The following TRPV5 variants were observed in gnomAD, a reference collection of about 807,000 sequenced individuals.
TRPV5 encodes the protein transient receptor potential cation channel subfamily V member 5, also known as calcium transport protein 2.
TRPV5 carries 66 observed loss-of-function variants against 74.1 expected under a neutral mutation model. The ratio of observed to expected loss-of-function variants is 0.89; its 90% CI spans 0.73 to 1.09. The LOEUF is 1.09. TRPV5 is among the 50% of genes least tolerant of loss of function. The pLI, the probability that TRPV5 is intolerant of heterozygous loss-of-function variation, is 0.00. For synonymous variants in TRPV5, 399 were observed against 360.7 expected, an observed-to-expected ratio of 1.11 and a Z score of -1.20; for missense variants, 936 against 930.4, an observed-to-expected ratio of 1.01 and a Z score of -0.08.
At chr7:142,917,481 G>C (rs984151517) in intron 8 of TRPV5, among the ~76,000 whole-genome samples, 1 of 152,104 alleles carries the variant, frequency 6.6e-6, no homozygotes, top group African/African-American at 2.4e-5. Flanking sequence ...GTGAAGATCA[G>C]GGTGCCCCTA....
chr7:142,920,923 T>C (rs143139121), intron 8 of TRPV5, among the ~76,000 whole-genome samples: 49 of 152,338 alleles, frequency 3.2e-4, no homozygotes, highest in Non-Finnish European at 6.0e-4. Flanking sequence ...AATGCATGTG[T>C]TCATGATCAG....
At chr7:142,921,801 C>T (rs1425295006) in intron 8 of TRPV5, among the ~76,000 whole-genome samples, 1 of 152,226 alleles carries the variant, frequency 6.6e-6, no homozygotes, top group East Asian at 1.9e-4. Context: ...AAGGATCTGT[C>T]TGGACAACCT....
chr7:142,914,578 G>T, intron 12 of TRPV5, 62 bp downstream of exon 12: 1 of 1,357,282 alleles, frequency 7.4e-7, no homozygotes, highest in Non-Finnish European at 1.0e-6. Flanking sequence ...GAGCAAGAAT[G>T]AGAGTGAACT....
Position 142,929,092 on chromosome 7 carries a change from A to G in TRPV5, c.516T>C (p.Cys172=), listed in dbSNP as rs1305257350. 1 of 1,614,086 alleles carries G rather than the reference A, an allele frequency of 6.2e-7. No homozygotes were observed. The highest frequency in any genetic ancestry group is 1.1e-5 in the South Asian group (1 of 91,078). Residue 172 remains cysteine, a synonymous_variant, in exon 5 of 15, where the codon TGT becomes TGC. Coordinates refer to ENST00000265310, the MANE Select transcript of TRPV5 (RefSeq NM_019841.7). ...GCCGCACGATCTCCTCGCTGTTCAC[A>G]CAGGCAGCAAAGGACAAAGGGTGCT... ...FGEHPLSFAA[C]VNSEEIVRLL...
chr7:142,928,629 G>A (rs1796028452), intron 6 of TRPV5, 62 bp downstream of exon 6: 3 of 1,543,564 alleles, frequency 1.9e-6, no homozygotes, highest in South Asian at 1.2e-5. Context: ...TTTCTCCCAG[G>A]GCCAGCAGGA....
chr7:142,928,974 C>T (rs755607538), intron 5 of TRPV5, 48 bp downstream of exon 5: 26 of 1,612,994 alleles, frequency 1.6e-5, no homozygotes, highest in South Asian at 3.3e-5. Flanking sequence ...TTACCCTGTC[C>T]CTCGCTCCCC....
chr7:142,925,235 C>T, intron 8 of TRPV5: 1 of 568,224 alleles, frequency 1.8e-6, no homozygotes, highest in Non-Finnish European at 3.1e-6. Flanking sequence ...ACTAAAAAAC[C>T]CTGATACTTT....
chr7:142,929,382 C>T, intron 4 of TRPV5, 46 bp downstream of exon 4: 2 of 1,598,892 alleles, frequency 1.3e-6, no homozygotes, highest in Non-Finnish European at 1.7e-6. Context: ...CTCTGCCTTG[C>T]CCGCCTCTCC....
chr7:142,911,581 CT>C (rs1376782698), intron 13 of TRPV5, among the ~76,000 whole-genome samples: 1 of 152,174 alleles, frequency 6.6e-6, no homozygotes, highest in Non-Finnish European at 1.5e-5. Flanking sequence ...CTCTATAGCA[CT>C]TTTGCTGCTG....
In TRPV5 at chr7:142,931,075, T is replaced by C. The variant is rs192723480; in HGVS notation, c.129-629A>G. Among the ~76,000 whole-genome samples the C allele has an allele frequency of 6.8e-4, 92 of 135,054 alleles. 1 individual carries two copies. The highest frequency in any genetic ancestry group is 4.6e-4 in the Admixed American group (5 of 10,950). 88.6% of individuals were successfully genotyped at this position (135,054 alleles called of 152,430 possible). ...TCTTGCTCTGTTGCCTAGGCTGGAG[T>C]GCAGTGGTACAATCTCAGCTTACCG... On this transcript the variant is annotated intron_variant, in intron 1 of 14. Transcript: ENST00000265310.
In TRPV5 at chr7:142,908,184, AC is replaced by A; in HGVS notation, c.*329del. ...GGGAGCCAGAAAAGCCTCACAGCTT[AC>A]TACTTTCTAGGGGCTGCGTGGGGCA... On this transcript the variant is annotated 3_prime_UTR_variant, in exon 15 of 15. Transcript: ENST00000265310. 1 of 361,578 alleles carries A rather than the reference AC, an allele frequency of 2.8e-6. No individual in the cohort carries two copies. Among genetic ancestry groups the A allele is most frequent in the Non-Finnish European group, 5.0e-6 (1 of 198,392 alleles). 22.4% of individuals were successfully genotyped at this position (361,578 alleles called of 1,614,324 possible). A position where few individuals can be genotyped will look rare whatever the true frequency, so the allele number is the denominator to read the frequency against.
intron 13 of TRPV5, among the ~76,000 whole-genome samples, chr7:142,910,770 T>C (rs1268226217): frequency 1.3e-5 from 2 of 152,236 alleles, no homozygotes; most frequent in East Asian, 3.8e-4. Context: ...TTGTTCCTCC[T>C]GAGCCATCAT....
intron 8 of TRPV5, 185 bp downstream of exon 8, chr7:142,925,344 G>A (rs1250502953): frequency 2.1e-5 from 13 of 617,970 alleles, no homozygotes; most frequent in South Asian, 1.6e-4. Context: ...CTGGACAAAT[G>A]CTCTTGTGCT....
chr7:142,925,732 T>C lies in TRPV5; in HGVS notation c.919A>G (p.Ile307Val), dbSNP rs746054930. 1 of 1,613,980 alleles carries C rather than the reference T, an allele frequency of 6.2e-7. No individual in the cohort carries two copies. The highest frequency in any genetic ancestry group is 8.5e-7 in the Non-Finnish European group (1 of 1,179,930). ...TCCTTCACTGGGGTCTGTTCCAGAA[T>C]TTGGCGAGCCTGGCATGGAAGTAGA... ...VSSDKREARQILEQTPVKELV... is the reference protein window; with the variant it reads ...VSSDKREARQVLEQTPVKELV... The change falls in exon 8 of 15, where the codon ATT (isoleucine) becomes GTT (valine). Residue 307 changes from isoleucine (I) to valine (V), a missense_variant. Transcript: ENST00000265310.
intron 8 of TRPV5, 128 bp from the exon 9 acceptor site, chr7:142,915,696 C>G: frequency 1.2e-6 from 1 of 827,502 alleles, no homozygotes; most frequent in Non-Finnish European, 1.9e-6. Flanking sequence ...CATCACCCCA[C>G]CCCCATTGTA....
chr7:142,926,306 T>C (rs1472303363), intron 7 of TRPV5, among the ~76,000 whole-genome samples: 1 of 151,928 alleles, frequency 6.6e-6, no homozygotes, highest in African/African-American at 2.4e-5. Flanking sequence ...GCAATGGAGG[T>C]TACAGGCAGT....
In TRPV5 at chr7:142,914,793, A is replaced by G. The variant is rs1474302718; in HGVS notation, c.1453-87T>C. On this transcript the variant is annotated intron_variant, in intron 11 of 14. Transcript: ENST00000265310. ...AACGCTAACAGATCAAGAGGCCCCC[A>G]TAGTTCTACCAGCTCCATTCTACCT... The G allele has an allele frequency of 1.9e-6, 3 of 1,609,200 alleles. No homozygotes were observed. In the East Asian group the frequency reaches 6.7e-5, roughly 36 times the overall value.
At position 142,908,505 on chromosome 7, in the gene TRPV5, C is replaced by CGATGTTA; in HGVS notation, c.*2_*8dup. 1.9e-6 allele frequency: 3 copies of CGATGTTA among 1,613,532 alleles called. No homozygotes were observed. The highest frequency in any genetic ancestry group is 2.5e-6 in the Non-Finnish European group (3 of 1,179,478). ...CCGGGAGTAAGGTCAAGAGTGATAG[C>CGATGTTA]GATGTTAATCAAAAATGGTAGACCT... On this transcript the variant is annotated 3_prime_UTR_variant, in exon 15 of 15. Transcript: ENST00000265310.
rs1796062573 is a variant in TRPV5 at position 142,930,176 on chromosome 7, G to A, written c.231C>T (p.Ala77=). The A allele has an allele frequency of 5.6e-6, 9 of 1,612,314 alleles. No individual in the cohort carries two copies. The highest frequency in any genetic ancestry group is 7.6e-6 in the Non-Finnish European group (9 of 1,179,544). Residue 77 remains alanine (A), a synonymous_variant, in exon 3 of 15, where the codon GCC becomes GCT. Transcript: ENST00000265310. ...CTATGTGCAGCGCCGTCTCCCCCAG[G>A]GCTCCTGGATTGGAGTAAGACAGAG... is the stretch of plus-strand genomic sequence containing the variant. ...DCTCDVRQRG[A]LGETALHIAA...
Sources: gnomAD v4.1 joint callset for allele counts (sites outside exome capture counted in the v4.1 genomes callset) on GRCh38, gnomAD v4.1.1 for gene constraint, MANE v1.5 for transcripts, NCBI Gene and HGNC (gene_info 2026-07-23, HGNC 2026-07-21) for gene names.